SP140: variants seen among roughly 807,000 people sequenced by gnomAD.
SP140 encodes nuclear body protein SP140.
Under a neutral mutation model 125.0 loss-of-function variants are expected in SP140, and 81 were observed. That is an observed-to-expected ratio of 0.65 (90% CI 0.54 to 0.78). SP140 has a LOEUF of 0.78. Among genes scored for constraint, SP140 ranks in the 30% least tolerant of loss-of-function variants. SP140 has a pLI of 0.00. For synonymous variants in SP140, 312 were observed against 354.0 expected, an observed-to-expected ratio of 0.88 and a Z score of 1.33; for missense variants, 858 against 1,037.0, an observed-to-expected ratio of 0.83 and a Z score of 2.37.
chr2:230,249,254 G>A (rs987910720), intron 9 of SP140, among the ~76,000 whole-genome samples: 4 of 152,186 alleles, frequency 2.6e-5, no homozygotes, highest in African/African-American at 9.7e-5. Flanking sequence ...CGTGGGTGAT[G>A]TTATTAAACA....
intron 1 of SP140, among the ~76,000 whole-genome samples, chr2:230,208,825 C>T (rs1435407636): frequency 6.6e-6 from 1 of 152,196 alleles, no homozygotes; most frequent in African/African-American, 2.4e-5. Flanking sequence ...TCTTCCAAGA[C>T]TTGCCAGAGA....
At chr2:230,244,076 C>T (rs574888281) in intron 5 of SP140, among the ~76,000 whole-genome samples, 55 of 152,106 alleles carry the variant, frequency 3.6e-4, no homozygotes, top group Non-Finnish European at 6.0e-4. Context: ...AGAATAAAAA[C>T]GATTATTGTT....
chr2:230,246,071 A>G (rs1338655520), intron 7 of SP140, 131 bp downstream of exon 7: 2 of 636,322 alleles, frequency 3.1e-6, no homozygotes, highest in Non-Finnish European at 5.7e-6. Flanking sequence ...CCATTCATCC[A>G]TCCATCCATA....
chr2:230,257,592 C>A (rs1175047675), intron 12 of SP140, among the ~76,000 whole-genome samples: 1 of 152,122 alleles, frequency 6.6e-6, no homozygotes, highest in Non-Finnish European at 1.5e-5. Flanking sequence ...CATGGCAAAA[C>A]CCCATCTCTA....
intron 10 of SP140, among the ~76,000 whole-genome samples, chr2:230,251,516 C>T (rs984847933): frequency 6.6e-6 from 1 of 152,070 alleles, no homozygotes; most frequent in Non-Finnish European, 1.5e-5. Flanking sequence ...TGCTCTTTGC[C>T]TTTATTTTTC....
At chr2:230,264,026 G>A (rs931359671) in intron 12 of SP140, among the ~76,000 whole-genome samples, 1 of 152,168 alleles carries the variant, frequency 6.6e-6, no homozygotes, top group African/African-American at 2.4e-5. Context: ...TCTCTAGCAA[G>A]GCCAGGGAAG....
chr2:230,281,082 A>G (rs1196879931), intron 15 of SP140, among the ~76,000 whole-genome samples: 5 of 152,182 alleles, frequency 3.3e-5, no homozygotes, highest in Non-Finnish European at 5.9e-5. Flanking sequence ...TTATTCTCTT[A>G]TTGTAACTAA....
upstream of SP140, among the ~76,000 whole-genome samples, chr2:230,224,130 T>C (rs1021371264): frequency 3.9e-5 from 6 of 152,202 alleles, no homozygotes; most frequent in African/African-American, 1.4e-4. Context: ...TGTTGCAAAG[T>C]AGGGCTTTCT....
At chr2:230,234,165 T>C (rs1032370006) in intron 1 of SP140, among the ~76,000 whole-genome samples, 14 of 152,304 alleles carry the variant, frequency 9.2e-5, no homozygotes, top group African/African-American at 3.4e-4. Flanking sequence ...AGTAGGGTGA[T>C]CTATAGGAAC....
intron 12 of SP140, among the ~76,000 whole-genome samples, chr2:230,262,773 T>C (rs1225336084): frequency 1.3e-5 from 2 of 152,126 alleles, no homozygotes; most frequent in Non-Finnish European, 2.9e-5. Flanking sequence ...GTTTTGGAGG[T>C]GCCTTTTGGA....
At chr2:230,210,344 A>C (rs2044331535) in intron 1 of SP140, among the ~76,000 whole-genome samples, 1 of 152,238 alleles carries the variant, frequency 6.6e-6, no homozygotes, top group African/African-American at 2.4e-5. Context: ...TATCATGACT[A>C]TAGTCACATG....
chr2:230,250,384 A>G (rs1432294012), intron 9 of SP140, among the ~76,000 whole-genome samples: 3 of 152,020 alleles, frequency 2.0e-5, no homozygotes, highest in Non-Finnish European at 4.4e-5. Flanking sequence ...AATGGCATCA[A>G]TTGTTTCAGG....
At chr2:230,275,399 T>C (rs1369966877) in intron 15 of SP140, among the ~76,000 whole-genome samples, 4 of 152,210 alleles carry the variant, frequency 2.6e-5, no homozygotes, top group Admixed American at 2.0e-4. Context: ...TTTCAAATTT[T>C]ATTATTATTC....
At chr2:230,277,379 A>T (rs1023445899) in intron 15 of SP140, among the ~76,000 whole-genome samples, 2 of 152,164 alleles carry the variant, frequency 1.3e-5, no homozygotes, top group South Asian at 2.1e-4. Context: ...TATGTTTAAG[A>T]TATGTTCATT....
At chr2:230,274,656 C>G (rs552508704) in intron 15 of SP140, among the ~76,000 whole-genome samples, 2 of 152,088 alleles carry the variant, frequency 1.3e-5, no homozygotes, top group African/African-American at 4.8e-5. Flanking sequence ...TAATTTATTA[C>G]AGCAGCAATA....
upstream of SP140, chr2:230,200,858 C>A (rs748015488): frequency 2.1e-5 from 33 of 1,541,048 alleles, no homozygotes; most frequent in Non-Finnish European, 1.8e-6. Context: ...TGACTGTACT[C>A]TGAGACCAGC....
chr2:230,272,625 G>A (rs1192792857), intron 15 of SP140, among the ~76,000 whole-genome samples: 1 of 152,116 alleles, frequency 6.6e-6, no homozygotes, highest in Non-Finnish European at 1.5e-5. Flanking sequence ...ACATGGAACT[G>A]TAAGTCCATT....
rs1361195614 is a variant in SP140, at chr2:230,285,774, G to A, written c.1587G>A (p.Gln529=). ...CAGATAATAGCAAAGCCGACGGCCA[G>A]GTGGTCTCCAGTGAAAAGAAGGCGA... ...QQNDNSKADG[Q]VVSSEKKANV... is the part of the protein sequence containing the mutation. The change falls in exon 17 of 27, where the codon CAG becomes CAA. Residue 529 remains glutamine (Q), a synonymous_variant. Transcript: ENST00000392045. 4.3e-6 allele frequency: 7 copies of A among 1,613,812 alleles called. No individual in the cohort carries two copies. The highest frequency in any genetic ancestry group is 5.9e-6 in the Non-Finnish European group (7 of 1,179,758).
intron 3 of SP140, among the ~76,000 whole-genome samples, chr2:230,218,814 C>T (rs2045517741): frequency 6.6e-6 from 1 of 151,998 alleles, no homozygotes; most frequent in African/African-American, 2.4e-5. Context: ...AACGAATAAG[C>T]AAAAGACAAA....
Sources: allele counts gnomAD v4.1 joint callset (sites outside exome capture counted in the v4.1 genomes callset), GRCh38; gene constraint gnomAD v4.1.1; transcripts MANE v1.5; gene names NCBI Gene and HGNC (gene_info 2026-07-23, HGNC 2026-07-21).